The following NSUN6 variants were observed in gnomAD, a reference collection of about 807,000 sequenced individuals.
The protein encoded by NSUN6 is NOP2/Sun RNA methyltransferase 6.
In NSUN6, 64 loss-of-function variants were observed where a neutral mutation model predicts 58.0. The ratio of observed to expected loss-of-function variants is 1.10; its 90% CI spans 0.90 to 1.36. NSUN6 has a LOEUF of 1.36. Among genes scored for constraint, NSUN6 ranks in the 40% most tolerant of loss-of-function variants. The probability of loss-of-function intolerance (pLI) is 0.00; values close to 1 mark genes in which losing one functional copy is unlikely to be tolerated. For missense variants in NSUN6, 701 were observed against 550.1 expected (o/e 1.27, Z -2.74); for synonymous variants, 231 against 193.9 (o/e 1.19, Z -1.59).
chr10:18,651,273 C>G lies in NSUN6; in HGVS notation c.-70G>C. On this transcript the variant is annotated 5_prime_UTR_variant, in exon 1 of 11. Coordinates refer to ENST00000377304, the MANE Select transcript of NSUN6 (RefSeq NM_182543.5). ...GGTGTTTTGTTTTTTTTTTTCTTTC[C>G]GAATTAATAGTGACGAGTGTCTTGA... 6.8e-7 allele frequency: 1 copy of G among 1,480,300 alleles called. No homozygotes were observed. The highest frequency in any genetic ancestry group is 8.9e-7 in the Non-Finnish European group (1 of 1,122,078). The allele number at this position is 1,480,300 out of a possible 1,614,324, so 91.7% of individuals were successfully genotyped here.
rs775815747 is a variant in NSUN6, at chr10:18,651,217, T to C, written c.-14A>G. ...GAAAATAGACATTTTTCCTGTTGTTTAGTTCTCCACCAAGAGAAATGCTGG... is the reference window on the plus strand; with the variant it reads ...GAAAATAGACATTTTTCCTGTTGTTCAGTTCTCCACCAAGAGAAATGCTGG... On this transcript the variant is annotated 5_prime_UTR_variant, in exon 1 of 11. Transcript: ENST00000377304. 5 of 1,551,796 alleles carry C rather than the reference T, an allele frequency of 3.2e-6. No individual in the cohort carries two copies. Among genetic ancestry groups the C allele is most frequent in the African/African-American group, 1.4e-5 (1 of 70,914 alleles).
At chr10:18,573,336 C>G (rs1004877013) in intron 8 of NSUN6, among the ~76,000 whole-genome samples, 3 of 151,464 alleles carry the variant, frequency 2.0e-5, no homozygotes, top group African/African-American at 4.8e-5. Flanking sequence ...ATTCCATTAC[C>G]CATTCCTTTC....
chr10:18,587,532 G>C (rs1161362448), intron 7 of NSUN6, among the ~76,000 whole-genome samples: 2 of 152,152 alleles, frequency 1.3e-5, no homozygotes, highest in Admixed American at 1.3e-4. Flanking sequence ...CCAGTCTGTA[G>C]CTCCCAGCGA....
chr10:18,593,823 A>G (rs536649607), intron 7 of NSUN6, among the ~76,000 whole-genome samples: 19 of 151,658 alleles, frequency 1.3e-4, no homozygotes, highest in Non-Finnish European at 2.5e-4. Flanking sequence ...ATGTATACCT[A>G]TGTAACAAAC....
intron 3 of NSUN6, among the ~76,000 whole-genome samples, chr10:18,635,998 T>C (rs1209159820): frequency 2.0e-5 from 3 of 150,976 alleles, no homozygotes; most frequent in Non-Finnish European, 4.4e-5. Flanking sequence ...GAGGAAAAGT[T>C]TTTGGTGGGC....
intron 3 of NSUN6, 39 bp downstream of exon 3, chr10:18,642,437 T>C (rs375923256): frequency 5.0e-6 from 5 of 990,492 alleles, no homozygotes; most frequent in Non-Finnish European, 8.0e-6. Flanking sequence ...CAAACTTTTA[T>C]TGAGAATAAT....
intron 8 of NSUN6, among the ~76,000 whole-genome samples, chr10:18,569,199 T>G (rs2056188290): frequency 6.6e-6 from 1 of 151,178 alleles, no homozygotes; most frequent in East Asian, 1.9e-4. Context: ...TCCATTCCAT[T>G]CCATTCTGCA....
chr10:18,597,008 T>C (rs2057615557), intron 6 of NSUN6, among the ~76,000 whole-genome samples: 1 of 152,178 alleles, frequency 6.6e-6, no homozygotes, highest in South Asian at 2.1e-4. Flanking sequence ...TTTGGGTCCC[T>C]GCTTCCACCA....
intron 7 of NSUN6, among the ~76,000 whole-genome samples, chr10:18,593,890 A>AG (rs1222111831): frequency 6.6e-6 from 1 of 150,900 alleles, no homozygotes. Context: ...AAAAAAAAAA[A>AG]GGGCCAAAAT....
chr10:18,584,353 G>T (rs928071382), intron 8 of NSUN6, among the ~76,000 whole-genome samples: 5 of 152,150 alleles, frequency 3.3e-5, no homozygotes, highest in Admixed American at 1.3e-4. Context: ...ACATATAAAC[G>T]CAGGATGCTG....
chr10:18,650,196 T>G (rs1232647389), intron 1 of NSUN6, among the ~76,000 whole-genome samples: 1 of 151,740 alleles, frequency 6.6e-6, no homozygotes, highest in African/African-American at 2.4e-5. Flanking sequence ...TGCAAGTTGT[T>G]TTCATTTACG....
intron 7 of NSUN6, among the ~76,000 whole-genome samples, chr10:18,586,603 T>C (rs1262421531): frequency 2.6e-5 from 4 of 152,104 alleles, no homozygotes; most frequent in Admixed American, 2.0e-4. Flanking sequence ...GAGTTGTTTG[T>C]TCCTCCCAGT....
upstream of NSUN6, chr10:18,653,195 C>T (rs2059738731): frequency 3.0e-6 from 3 of 984,714 alleles, no homozygotes; most frequent in Non-Finnish European, 3.6e-6. Flanking sequence ...AGGATAGAGA[C>T]TTTATCACAC....
chr10:18,642,547 A>C lies in NSUN6; in HGVS notation c.240T>G (p.Asn80Lys), dbSNP rs776716468. Residue 80 changes from asparagine (N) to lysine (K), a missense_variant, in exon 3 of 11, where the codon AAT becomes AAG. Transcript: ENST00000377304. ...GTTGAAGAATAGGAACACTTAATCC[A>C]TTAAACTGCTGTTAAAGATAAACAT... ...LLLDELQKQF[N>K]GLSVPILQHP... 6.1e-6 allele frequency: 9 copies of C among 1,466,256 alleles called. No homozygotes were observed. Among genetic ancestry groups the C allele is most frequent in the Non-Finnish European group, 8.6e-6 (9 of 1,047,566 alleles). The allele number at this position is 1,466,256 out of a possible 1,614,324, so 90.8% of individuals were successfully genotyped here. A position where few individuals can be genotyped will look rare whatever the true frequency, so the allele number is the denominator to read the frequency against.
intron 3 of NSUN6, among the ~76,000 whole-genome samples, chr10:18,627,269 G>C (rs999617115): frequency 6.6e-6 from 1 of 152,092 alleles, no homozygotes; most frequent in Non-Finnish European, 1.5e-5. Flanking sequence ...TGTTAAAATT[G>C]TTTACTGTAT....
intron 7 of NSUN6, among the ~76,000 whole-genome samples, chr10:18,589,997 T>C (rs2057316735): frequency 6.6e-6 from 1 of 152,132 alleles, no homozygotes; most frequent in Non-Finnish European, 1.5e-5. Flanking sequence ...ATCGGTGTGC[T>C]GTATTCGGGA....
intron 3 of NSUN6, among the ~76,000 whole-genome samples, chr10:18,641,369 CT>C (rs112028728): frequency 3.6e-3 from 503 of 141,466 alleles, no homozygotes; most frequent in Middle Eastern, 0.011. Flanking sequence ...CTTATTTTTC[CT>C]TTTTTTTTTT....
Position 18,551,034 on chromosome 10 carries a change from A to AT in NSUN6, c.1071+788dup, listed in dbSNP as rs1035051211. Among the ~76,000 whole-genome samples, 56 of 152,270 alleles carry AT rather than the reference A, an allele frequency of 3.7e-4. 1 individual carries two copies. The highest frequency in any genetic ancestry group is 7.2e-4 in the Admixed American group (11 of 15,282). On this transcript the variant is annotated intron_variant, in intron 9 of 10. Transcript: ENST00000377304. Reference sequence around the variant, plus strand: ...AGCCACCATACTAGCCAATAACTCTATTTTTTTAAAAAAAAGAGTAATTTA... The same window carrying AT: ...AGCCACCATACTAGCCAATAACTCTATTTTTTTTAAAAAAAAGAGTAATTTA...
intron 3 of NSUN6, among the ~76,000 whole-genome samples, chr10:18,630,789 A>T (rs998329525): frequency 2.0e-5 from 3 of 152,224 alleles, no homozygotes; most frequent in Non-Finnish European, 4.4e-5. Flanking sequence ...AGAGTCCAGT[A>T]CCAGATGGAT....
Sources: allele counts gnomAD v4.1 joint callset (sites outside exome capture counted in the v4.1 genomes callset), GRCh38; gene constraint gnomAD v4.1.1; transcripts MANE v1.5; gene names NCBI Gene and HGNC (gene_info 2026-07-23, HGNC 2026-07-21).